The following RHCG variants were observed in gnomAD, a reference collection of about 807,000 sequenced individuals.
RHCG encodes Rh family C glycoprotein, also known as ammonium transporter Rh type C.
In RHCG, 39 loss-of-function variants were observed where a neutral mutation model predicts 55.3. The ratio of observed to expected loss-of-function variants is 0.70; its 90% CI spans 0.55 to 0.92. The LOEUF is 0.92. Ranked by LOEUF, RHCG falls within the 40% of genes least tolerant of loss-of-function variation. The pLI, the probability that RHCG is intolerant of heterozygous loss-of-function variation, is 0.00. For synonymous variants in RHCG, 250 were observed against 246.8 expected (o/e 1.01, Z -0.12); for missense variants, 635 against 627.9 (o/e 1.01, Z -0.12).
chr15:89,482,701 T>A (rs1961288955), intron 3 of RHCG, among the ~76,000 whole-genome samples: 1 of 152,224 alleles, frequency 6.6e-6, no homozygotes, highest in Non-Finnish European at 1.5e-5. Flanking sequence ...TCCTACAGAT[T>A]TGCCCCTTCA....
intron 1 of RHCG, among the ~76,000 whole-genome samples, chr15:89,487,223 G>C (rs1314005688): frequency 6.6e-6 from 1 of 152,194 alleles, no homozygotes; most frequent in Non-Finnish European, 1.5e-5. Flanking sequence ...TCTAGAAAGG[G>C]AGGCGCTGGG....
In RHCG at chr15:89,472,772, G is replaced by A. The variant is rs1487509639; in HGVS notation, c.1403C>T (p.Pro468Leu). ...GGGTACCGAGGAAGCCATGGGTAGT[G>A]GGGACACCATGGGTACTGAGGGTAC... ...PSVPSVPMVS[P>L]LPMASSVPLV... is the part of the protein sequence containing the mutation. Residue 468 changes from proline to leucine, a missense_variant, in exon 10 of 11, where the codon CCA becomes CTA. Pro to Leu is a moderately conservative substitution (Grantham distance 98). Coordinates refer to ENST00000268122, the MANE Select transcript of RHCG (RefSeq NM_016321.3). 2 of 1,587,088 alleles carry A rather than the reference G, an allele frequency of 1.3e-6. No individual in the cohort carries two copies. Among genetic ancestry groups the A allele is most frequent in the East Asian group, 4.7e-5 (2 of 42,902 alleles).
chr15:89,491,781 T>TAA (rs5814390), intron 1 of RHCG, among the ~76,000 whole-genome samples: 2 of 145,532 alleles, frequency 1.4e-5, no homozygotes, highest in African/African-American at 5.0e-5. Context: ...AAATAAAAAT[T>TAA]AAAAAAAAAA....
intron 5 of RHCG, 134 bp from the exon 6 acceptor site, chr15:89,478,108 A>G: frequency 3.4e-6 from 4 of 1,191,742 alleles, no homozygotes; most frequent in Non-Finnish European, 4.6e-6. Context: ...AGTTCACCTC[A>G]GCAAGCCAGG....
At chr15:89,495,172 A>G (rs74032418) in intron 1 of RHCG, among the ~76,000 whole-genome samples, 8,137 of 152,200 alleles carry the variant, frequency 0.053, 753 homozygotes, top group African/African-American at 0.18. Context: ...AGTAACTATT[A>G]AATGCAGCCC....
At chr15:89,495,226 C>T (rs1162914127) in intron 1 of RHCG, among the ~76,000 whole-genome samples, 1 of 152,128 alleles carries the variant, frequency 6.6e-6, no homozygotes, top group African/African-American at 2.4e-5. Context: ...ATGGCTGGCT[C>T]CCACCAAGCC....
intron 9 of RHCG, among the ~76,000 whole-genome samples, chr15:89,475,285 G>C (rs1338880413): frequency 6.6e-6 from 1 of 151,446 alleles, no homozygotes; most frequent in Non-Finnish European, 1.5e-5. Context: ...ATCCAGGCTG[G>C]AGGGCAGTGG....
chr15:89,487,953 T>G (rs1390675672), intron 1 of RHCG, among the ~76,000 whole-genome samples: 2 of 152,158 alleles, frequency 1.3e-5, no homozygotes, highest in Admixed American at 6.5e-5. Flanking sequence ...ACTAAAGGGA[T>G]GTATTAGGAT....
Position 89,495,231 on chromosome 15 carries a change from C to T in RHCG, c.184+1130G>A, listed in dbSNP as rs970669353. 2.0e-5 allele frequency among the ~76,000 whole-genome samples: 3 copies of T among 152,198 alleles called. No homozygotes were observed. In the East Asian group the frequency reaches 5.8e-4, roughly 29 times the overall value. ...GCCACTTAATATGGCTGGCTCCCAC[C>T]AAGCCTGCAGCCCCCCAAACGCAGT... On this transcript the variant is annotated intron_variant, in intron 1 of 10. Transcript: ENST00000268122.
intron 4 of RHCG, 194 bp from the exon 5 acceptor site, chr15:89,479,682 C>T: frequency 1.7e-6 from 1 of 590,924 alleles, no homozygotes; most frequent in East Asian, 2.8e-5. Context: ...ACTTAGCCTT[C>T]CACACCACTC....
intron 3 of RHCG, among the ~76,000 whole-genome samples, chr15:89,481,067 G>A (rs1217365824): frequency 6.6e-6 from 1 of 152,146 alleles, no homozygotes; most frequent in East Asian, 1.9e-4. Context: ...TGGGATTCTC[G>A]ACTCCCAGCC....
intron 2 of RHCG, among the ~76,000 whole-genome samples, chr15:89,485,788 G>A (rs970515616): frequency 3.3e-5 from 5 of 152,148 alleles, no homozygotes; most frequent in African/African-American, 1.2e-4. Context: ...CTAAAACTTG[G>A]CTAAAGCAGG....
intron 9 of RHCG, among the ~76,000 whole-genome samples, chr15:89,474,748 GCCTGCCTT>G (rs1961101092): frequency 2.2e-5 from 3 of 137,170 alleles, no homozygotes; most frequent in South Asian, 2.4e-4. Context: ...CTTCCTTCCT[GCCTGCCTT>G]CCTTCCTGCC....
intron 5 of RHCG, among the ~76,000 whole-genome samples, chr15:89,478,781 C>T (rs1324422083): frequency 6.6e-6 from 1 of 152,294 alleles, no homozygotes; most frequent in Middle Eastern, 3.4e-3. Flanking sequence ...ATGCCCACGT[C>T]AAGACGCTTG....
chr15:89,487,060 G>A lies in RHCG; in HGVS notation c.185-75C>T, dbSNP rs949254742. The A allele has an allele frequency of 3.0e-6, 4 of 1,346,322 alleles. No individual in the cohort carries two copies. The Admixed American group carries it at 9.1e-5, about 31-fold the overall frequency. 83.4% of individuals were successfully genotyped at this position (1,346,322 alleles called of 1,614,324 possible). Reference sequence around the variant, plus strand: ...CCAGCCCTGGGTCTGGGCCAGGAAGGCCGGGGTAGCCCCTCAGTCTTCCCC... The same window carrying A: ...CCAGCCCTGGGTCTGGGCCAGGAAGACCGGGGTAGCCCCTCAGTCTTCCCC... On this transcript the variant is annotated intron_variant, in intron 1 of 10. Transcript: ENST00000268122.
intron 1 of RHCG, among the ~76,000 whole-genome samples, chr15:89,488,559 C>T (rs1246416361): frequency 6.6e-6 from 1 of 152,224 alleles, no homozygotes; most frequent in East Asian, 1.9e-4. Context: ...AGGTGGGATT[C>T]TAGCTGAGAC....
chr15:89,486,843 C>A lies in RHCG; in HGVS notation c.327G>T (p.Trp109Cys). ...GIQWALLMQG[W>C]FHFLQDRYIV... ...TGTAGCGGTCTTGTAAGAAGTGGAA[C>A]CAGCCCTGCATGAGCAGCGCCCACT... The change falls in exon 2 of 11, where the codon TGG (tryptophan) becomes TGT (cysteine). Residue 109 changes from tryptophan (W) to cysteine (C), a missense_variant. Physicochemically the swap from Trp to Cys is radical, Grantham distance 215. Coordinates refer to ENST00000268122, the MANE Select transcript of RHCG (RefSeq NM_016321.3). 1.2e-6 allele frequency: 2 copies of A among 1,609,184 alleles called. No individual in the cohort carries two copies. The highest frequency in any genetic ancestry group is 1.7e-6 in the Non-Finnish European group (2 of 1,176,236).
At chr15:89,479,767 CTT>C in intron 4 of RHCG, 1 of 470,174 alleles carries the variant, frequency 2.1e-6, no homozygotes, top group South Asian at 2.8e-5. Context: ...GAGGGAGAAT[CTT>C]TTCTCTACTG....
chr15:89,484,226 G>A (rs1484697846), intron 2 of RHCG, among the ~76,000 whole-genome samples: 1 of 152,172 alleles, frequency 6.6e-6, no homozygotes, highest in Non-Finnish European at 1.5e-5. Flanking sequence ...CTCCACTATT[G>A]CCTCATTCAC....
Sources: gnomAD v4.1 joint callset for allele counts (sites outside exome capture counted in the v4.1 genomes callset) on GRCh38, gnomAD v4.1.1 for gene constraint, MANE v1.5 for transcripts, NCBI Gene and HGNC (gene_info 2026-07-23, HGNC 2026-07-21) for gene names.